Variants in LRIF1 observed in about 807,000 individuals in gnomAD.
LRIF1 encodes the protein ligand dependent nuclear receptor interacting factor 1, also known as ligand-dependent nuclear receptor-interacting factor 1.
LRIF1 carries 32 observed loss-of-function variants against 52.7 expected under a neutral mutation model. That is an observed-to-expected ratio of 0.61 (90% CI 0.46 to 0.82). The LOEUF is 0.82. Ranked by LOEUF, LRIF1 falls within the 40% of genes least tolerant of loss-of-function variation. LRIF1 has a pLI of 0.00. For missense variants in LRIF1, 887 were observed against 892.0 expected, an observed-to-expected ratio of 0.99 and a Z score of 0.07; for synonymous variants, 323 against 317.4, an observed-to-expected ratio of 1.02 and a Z score of -0.19.
chr1:110,927,408 G>A, the LRIF1 span, among the ~76,000 whole-genome samples: 1 of 152,162 alleles, frequency 6.6e-6, no homozygotes, highest in Non-Finnish European at 1.5e-5. Flanking sequence ...GTGTGAGCGA[G>A]CAAGAACACG....
At chr1:110,900,188 A>G in the LRIF1 span, among the ~76,000 whole-genome samples, 1 of 152,164 alleles carries the variant, frequency 6.6e-6, no homozygotes, top group African/African-American at 2.4e-5. Flanking sequence ...TTAAGGCTCA[A>G]CTGAAAGAGG....
chr1:110,935,439 T>C, the LRIF1 span, among the ~76,000 whole-genome samples: 2 of 152,284 alleles, frequency 1.3e-5, no homozygotes, highest in East Asian at 3.9e-4. Context: ...AAATTCAAGA[T>C]AACACAGAGA....
At chr1:110,891,581 C>G in the LRIF1 span, 1 of 801,492 alleles carries the variant, frequency 1.2e-6, no homozygotes, top group Non-Finnish European at 2.2e-6. Context: ...GTGTTTGGGT[C>G]ATGTCCAGCA....
chr1:110,945,513 C>T (rs903580316), downstream of LRIF1, among the ~76,000 whole-genome samples: 6 of 151,924 alleles, frequency 3.9e-5, no homozygotes, highest in Admixed American at 3.9e-4. Context: ...GCAACCTCCA[C>T]CTCCCGGGTT....
At chr1:110,891,351 A>T in the LRIF1 span, 1 of 1,330,098 alleles carries the variant, frequency 7.5e-7, no homozygotes, top group Non-Finnish European at 1.1e-6. Flanking sequence ...TGGCTACCTT[A>T]CAGAGTGAGG....
chr1:110,910,550 G>A, the LRIF1 span, among the ~76,000 whole-genome samples: 1 of 152,160 alleles, frequency 6.6e-6, no homozygotes, highest in African/African-American at 2.4e-5. Context: ...GGAGTGAGCT[G>A]AGATCGTGCC....
chr1:110,932,929 T>C, the LRIF1 span, among the ~76,000 whole-genome samples: 1 of 152,200 alleles, frequency 6.6e-6, no homozygotes, highest in African/African-American at 2.4e-5. Context: ...TTGATTTTTA[T>C]ATTGGTATAG....
intron 1 of LRIF1, among the ~76,000 whole-genome samples, chr1:110,955,382 AT>A (rs1485264092): frequency 2.6e-5 from 4 of 152,112 alleles, no homozygotes; most frequent in Non-Finnish European, 5.9e-5. Flanking sequence ...TTCATGACTG[AT>A]TTTTTTCTCC....
chr1:110,928,720 T>G, the LRIF1 span, among the ~76,000 whole-genome samples: 4 of 150,120 alleles, frequency 2.7e-5, no homozygotes, highest in African/African-American at 9.8e-5. Context: ...TTCCAGAGAG[T>G]GAGGGGGAAA....
chr1:110,962,322 A>C (rs1410561750), intron 1 of LRIF1, among the ~76,000 whole-genome samples: 2 of 152,104 alleles, frequency 1.3e-5, no homozygotes, highest in Non-Finnish European at 1.5e-5. Context: ...AAAAGAAAAA[A>C]ACACACAAGT....
At chr1:110,948,835 T>C (rs1658329173) in intron 3 of LRIF1, among the ~76,000 whole-genome samples, 1 of 152,212 alleles carries the variant, frequency 6.6e-6, no homozygotes, top group South Asian at 2.1e-4. Context: ...AGTATAACAG[T>C]AGGCAAAGTT....
the LRIF1 span, among the ~76,000 whole-genome samples, chr1:110,903,354 C>T: frequency 1.3e-5 from 2 of 152,076 alleles, no homozygotes; most frequent in East Asian, 1.9e-4. Context: ...CTCACAGCTT[C>T]GAAAGAGACA....
chr1:110,947,918 T>G lies in LRIF1; in HGVS notation c.*41A>C. The G allele has an allele frequency of 6.5e-7, 1 of 1,532,732 alleles. No individual in the cohort carries two copies. The highest frequency in any genetic ancestry group is 8.7e-7 in the Non-Finnish European group (1 of 1,145,016). The allele number at this position is 1,532,732 out of a possible 1,614,324, so 94.9% of individuals were successfully genotyped here. On this transcript the variant is annotated 3_prime_UTR_variant, in exon 4 of 4. Coordinates refer to ENST00000369763, the MANE Select transcript of LRIF1 (RefSeq NM_018372.4). ...TTAACTTATTAATGCTGAAGTATATTTTAAAAAACAGCTATTTCACTGAAG... is the reference window on the plus strand; with the variant it reads ...TTAACTTATTAATGCTGAAGTATATGTTAAAAAACAGCTATTTCACTGAAG...
chr1:110,882,167 G>A, the LRIF1 span, among the ~76,000 whole-genome samples: 1 of 152,100 alleles, frequency 6.6e-6, no homozygotes, highest in Non-Finnish European at 1.5e-5. Context: ...TCTTATCTGA[G>A]AACTCTTTGC....
At position 110,948,414 on chromosome 1, in the gene LRIF1, A is replaced by G. The variant is rs1045389510; in HGVS notation, c.1870-15T>C. On this transcript the variant is annotated splice_polypyrimidine_tract_variant and intron_variant, in intron 3 of 3. Transcript: ENST00000369763. Reference sequence around the variant, plus strand: ...TCAAAATTCTGCTGCAATATTGAATAACATTCCAAAACAAAAACGAAATGT... The same window carrying G: ...TCAAAATTCTGCTGCAATATTGAATGACATTCCAAAACAAAAACGAAATGT... The G allele has an allele frequency of 5.7e-6, 9 of 1,592,864 alleles. No homozygotes were observed. Among genetic ancestry groups the G allele is most frequent in the Non-Finnish European group, 7.7e-6 (9 of 1,168,220 alleles).
chr1:110,954,431 C>T (rs1172756630), intron 1 of LRIF1, among the ~76,000 whole-genome samples: 2 of 152,122 alleles, frequency 1.3e-5, no homozygotes, highest in Middle Eastern at 3.2e-3. Context: ...CAGATGCACG[C>T]CACCAAACCC....
intron 1 of LRIF1, among the ~76,000 whole-genome samples, chr1:110,956,858 C>A (rs1282051466): frequency 1.3e-5 from 2 of 152,096 alleles, no homozygotes; most frequent in African/African-American, 4.8e-5. Flanking sequence ...TATCTTGAAG[C>A]CTACTTTCTT....
chr1:110,878,784 T>C, the LRIF1 span, among the ~76,000 whole-genome samples: 9 of 152,206 alleles, frequency 5.9e-5, no homozygotes, highest in Non-Finnish European at 1.2e-4. Flanking sequence ...TTGCTGGGAT[T>C]TTCCAACATG....
chr1:110,890,612 C>T, the LRIF1 span, among the ~76,000 whole-genome samples: 130 of 136,620 alleles, frequency 9.5e-4, no homozygotes, highest in African/African-American at 3.0e-3. Context: ...GAAAGGAAAG[C>T]GAAAAGGAAA....
Sources: gnomAD v4.1 joint callset for allele counts (sites outside exome capture counted in the v4.1 genomes callset) on GRCh38, gnomAD v4.1.1 for gene constraint, MANE v1.5 for transcripts, NCBI Gene and HGNC (gene_info 2026-07-23, HGNC 2026-07-21) for gene names.